The following MACROH2A2 variants were observed in gnomAD, a reference collection of about 807,000 sequenced individuals.
The protein encoded by MACROH2A2 is macroH2A.2 histone.
A neutral mutation model predicts 37.6 loss-of-function variants in MACROH2A2; 6 were observed. That is an observed-to-expected ratio of 0.16 (90% CI 0.09 to 0.32). MACROH2A2 has a LOEUF of 0.32. Ranked by LOEUF, MACROH2A2 falls within the 10% of genes least tolerant of loss-of-function variation. The probability of loss-of-function intolerance (pLI) is 1.00; values close to 1 mark genes in which losing one functional copy is unlikely to be tolerated. For synonymous variants in MACROH2A2, 192 were observed against 202.7 expected, an observed-to-expected ratio of 0.95 and a Z score of 0.45; for missense variants, 290 against 485.9, an observed-to-expected ratio of 0.60 and a Z score of 3.79.
intron 1 of MACROH2A2, among the ~76,000 whole-genome samples, chr10:70,061,571 A>G (rs2072050203): frequency 6.6e-6 from 1 of 152,194 alleles, no homozygotes; most frequent in South Asian, 2.1e-4. Flanking sequence ...CAGTAGCAGC[A>G]GATATCCTAA....
rs1446853388 is a variant in MACROH2A2, at chr10:70,053,607, G to A, written c.-60+607G>A. ...CGGGGAAGGTCAGGTCGGGGACGCC[G>A]GGTGGCGGGGCGAGGGCTGGGGGTT... On this transcript the variant is annotated intron_variant, in intron 1 of 8. Coordinates refer to ENST00000373255, the MANE Select transcript of MACROH2A2 (RefSeq NM_018649.3). The surrounding 1 kb of genome is among the most constrained non-coding windows in gnomAD (Gnocchi z 4.8). 1.3e-5 allele frequency among the ~76,000 whole-genome samples: 2 copies of A among 151,226 alleles called. No individual in the cohort carries two copies. The highest frequency in any genetic ancestry group is 3.0e-5 in the Non-Finnish European group (2 of 67,766).
rs2072084019 is a variant in MACROH2A2 at position 70,067,118 on chromosome 10, A to G, written c.-59-8482A>G. Among the ~76,000 whole-genome samples, 2 of 152,254 alleles carry G rather than the reference A, an allele frequency of 1.3e-5. 1 individual carries two copies. The highest frequency in any genetic ancestry group is 4.1e-4 in the South Asian group (2 of 4,834). On this transcript the variant is annotated intron_variant, in intron 1 of 8. Transcript: ENST00000373255. ...TCTATTAAACAAGGTGTCTTTGAAC[A>G]CAAACACACATAAAACAAAGTTAAG...
At chr10:70,086,111 C>A (rs906299805) in intron 2 of MACROH2A2, among the ~76,000 whole-genome samples, 12 of 152,056 alleles carry the variant, frequency 7.9e-5, no homozygotes, top group African/African-American at 2.7e-4. Flanking sequence ...GATCCTCCCA[C>A]CCCAGCCTCC....
intron 2 of MACROH2A2, among the ~76,000 whole-genome samples, chr10:70,079,565 G>GCGCACGCACA (rs1386558755): frequency 3.2e-5 from 4 of 126,216 alleles, no homozygotes; most frequent in Admixed American, 7.7e-5. Context: ...GCGCGCGCGC[G>GCGCACGCACA]CACACACACA....
intron 6 of MACROH2A2, chr10:70,098,749 C>T (rs375683102): frequency 1.3e-5 from 2 of 152,382 alleles, no homozygotes; most frequent in African/African-American, 2.4e-5. Flanking sequence ...GGAGGCGCGT[C>T]GTGCCTGGTT....
chr10:70,109,069 T>G lies in MACROH2A2; in HGVS notation c.815T>G (p.Phe272Cys). Residue 272 changes from phenylalanine (F) to cysteine (C), a missense_variant, in exon 8 of 9, where the codon TTT becomes TGT. By Grantham distance (205) the Phe-to-Cys change is radical. Around this residue, in one of 3 missense-constraint regions of MACROH2A2, gnomAD observed 130 missense variants for 257.1 expected, o/e 0.51. Transcript: ENST00000373255. ...CAATCCAGTGGACTCGCAGCCAAAT[T>G]TGTCATCCACTGTCACATCCCTCAG... ...VSQSSGLAAK[F>C]VIHCHIPQWG... The G allele has an allele frequency of 6.2e-7, 1 of 1,614,180 alleles. No homozygotes were observed. Among genetic ancestry groups the G allele is most frequent in the African/African-American group, 1.3e-5 (1 of 75,056 alleles).
chr10:70,111,406 T>C, intron 8 of MACROH2A2, 112 bp from the exon 9 acceptor site: 1 of 896,744 alleles, frequency 1.1e-6, no homozygotes, highest in Non-Finnish European at 1.7e-6. Context: ...AGATCATGCA[T>C]GGACTAGCCC....
chr10:70,056,344 C>T (rs1346371289), intron 1 of MACROH2A2, among the ~76,000 whole-genome samples: 5 of 152,140 alleles, frequency 3.3e-5, no homozygotes, highest in Non-Finnish European at 7.3e-5. Context: ...ATCTCCTAGG[C>T]TCAAGTGATC....
In MACROH2A2 at chr10:70,100,315, C is replaced by G. The variant is rs1280167955; in HGVS notation, c.778+18C>G. On this transcript the variant is annotated intron_variant, in intron 7 of 8. Coordinates refer to ENST00000373255, the MANE Select transcript of MACROH2A2 (RefSeq NM_018649.3). ...CGCCGAAGGTAAGTGTGGAACTAGG[C>G]TCCTGTCACCAGCATGGCCTCACCC... 3 of 1,408,132 alleles carry G rather than the reference C, an allele frequency of 2.1e-6. No individual in the cohort carries two copies. Among genetic ancestry groups the G allele is most frequent in the Non-Finnish European group, 3.0e-6 (3 of 996,024 alleles). 87.2% of individuals were successfully genotyped at this position (1,408,132 alleles called of 1,614,324 possible). A position where few individuals can be genotyped will look rare whatever the true frequency, so the allele number is the denominator to read the frequency against.
chr10:70,092,551 T>C (rs894741416), intron 4 of MACROH2A2, among the ~76,000 whole-genome samples: 5 of 152,174 alleles, frequency 3.3e-5, no homozygotes, highest in African/African-American at 1.2e-4. Flanking sequence ...GAGGGAAGTT[T>C]AAAGATGAGA....
intron 2 of MACROH2A2, among the ~76,000 whole-genome samples, chr10:70,076,296 C>A (rs2072139216): frequency 6.6e-6 from 1 of 152,174 alleles, no homozygotes; most frequent in South Asian, 2.1e-4. Context: ...TTTATCGCAT[C>A]ATTAAAAGCA....
chr10:70,085,755 C>T (rs1016972436), intron 2 of MACROH2A2, among the ~76,000 whole-genome samples: 2 of 152,108 alleles, frequency 1.3e-5, no homozygotes, highest in African/African-American at 4.8e-5. Context: ...CCATAGAAGT[C>T]CCCACCACTT....
At chr10:70,098,360 G>A (rs554973436) in intron 6 of MACROH2A2, 1 of 146,482 alleles carries the variant, frequency 6.8e-6, no homozygotes, top group South Asian at 2.3e-4. Flanking sequence ...AAGGAAGGAA[G>A]GGAAGGTAGA....
At chr10:70,101,195 T>C (rs1443931461) in intron 7 of MACROH2A2, among the ~76,000 whole-genome samples, 1 of 152,156 alleles carries the variant, frequency 6.6e-6, no homozygotes. Flanking sequence ...TATTTATTGG[T>C]GATCAAACAA....
intron 7 of MACROH2A2, among the ~76,000 whole-genome samples, chr10:70,102,909 GGCTGCAGCAGCACCTGCAGGAT>G (rs1303766798): frequency 3.9e-5 from 6 of 152,102 alleles, no homozygotes; most frequent in African/African-American, 9.6e-5. Flanking sequence ...GAGACAGGAG[GGCTGCAGCAGCACCTGCAGGAT>G]GCTGCCGCCC....
intron 7 of MACROH2A2, among the ~76,000 whole-genome samples, chr10:70,106,802 CAAAAA>C (rs56986649): frequency 1.5e-4 from 10 of 65,388 alleles, no homozygotes; most frequent in East Asian, 7.3e-4. Context: ...CATCCTGTCT[CAAAAA>C]AAAAAAAAAA....
intron 1 of MACROH2A2, among the ~76,000 whole-genome samples, chr10:70,061,349 A>G (rs1202798235): frequency 6.6e-6 from 1 of 152,244 alleles, no homozygotes; most frequent in East Asian, 1.9e-4. Context: ...TTGCTAACTC[A>G]GATTCAAAGA....
At chr10:70,058,478 A>C (rs549053900) in intron 1 of MACROH2A2, among the ~76,000 whole-genome samples, 1 of 152,170 alleles carries the variant, frequency 6.6e-6, no homozygotes, top group Non-Finnish European at 1.5e-5. Flanking sequence ...CCAAAGATTT[A>C]GGGGTTGTTT....
intron 1 of MACROH2A2, among the ~76,000 whole-genome samples, chr10:70,069,849 G>A (rs931042687): frequency 1.1e-4 from 16 of 151,864 alleles, no homozygotes; most frequent in East Asian, 5.8e-4. Context: ...TTCCCAAGAC[G>A]GAATAGAGTT....
Sources: allele counts gnomAD v4.1 joint callset (sites outside exome capture counted in the v4.1 genomes callset), GRCh38; gene constraint gnomAD v4.1.1; regional missense constraint gnomAD v4.1.1; non-coding constraint Gnocchi (gnomAD v3.1); transcripts MANE v1.5; gene names NCBI Gene and HGNC (gene_info 2026-07-23, HGNC 2026-07-21).